The following SGCZ variants were observed in gnomAD, a reference collection of about 807,000 sequenced individuals.
SGCZ encodes the protein zeta-sarcoglycan.
SGCZ carries 40 observed loss-of-function variants against 41.3 expected under a neutral mutation model. The ratio of observed to expected loss-of-function variants is 0.97; its 90% confidence interval spans 0.75 to 1.26. The LOEUF is 1.26. Ranked by LOEUF, SGCZ falls within the 50% of genes most tolerant of loss-of-function variation. The pLI, the probability that SGCZ is intolerant of heterozygous loss-of-function variation, is 0.00. For synonymous variants in SGCZ, 206 were observed against 137.5 expected (o/e 1.50, Z -3.49); for missense variants, 552 against 369.8 (o/e 1.49, Z -4.04).
chr8:15,180,912 A>G (rs934637213), intron 1 of SGCZ, among the ~76,000 whole-genome samples: 38 of 152,084 alleles, frequency 2.5e-4, no homozygotes, highest in Non-Finnish European at 4.4e-5. Context: ...AGGGAAAAAG[A>G]CAGGATACCA....
intron 1 of SGCZ, among the ~76,000 whole-genome samples, chr8:15,207,391 T>C (rs1299559618): frequency 6.6e-6 from 1 of 152,074 alleles, no homozygotes; most frequent in Non-Finnish European, 1.5e-5. Context: ...ACTAATGAAG[T>C]ATCCATGTTT....
At chr8:14,777,632 C>G (rs1800449087) in intron 1 of SGCZ, among the ~76,000 whole-genome samples, 1 of 152,084 alleles carries the variant, frequency 6.6e-6, no homozygotes, top group Non-Finnish European at 1.5e-5. Context: ...ATACGCATAT[C>G]CATGTTCACA....
rs569646513 is a variant in SGCZ, at chr8:15,027,974, C to G, written c.39+209611G>C. Reference sequence around the variant, plus strand: ...CACCTTTATGTTAAGTTAAAACAAACAAAAGCACAGATAATATCTTTCCTA... The same window carrying G: ...CACCTTTATGTTAAGTTAAAACAAAGAAAAGCACAGATAATATCTTTCCTA... On this transcript the variant is annotated intron_variant, in intron 1 of 7. Transcript: ENST00000382080. Among the ~76,000 whole-genome samples, 10 of 152,026 alleles carry G rather than the reference C, an allele frequency of 6.6e-5. No individual in the cohort carries two copies. The Middle Eastern group carries it at 0.01, about 156-fold the overall frequency.
At chr8:14,853,492 C>G (rs763747200) in intron 1 of SGCZ, 1 of 533,094 alleles carries the variant, frequency 1.9e-6, no homozygotes, top group Non-Finnish European at 3.9e-6. Flanking sequence ...AAGCCACAAT[C>G]ACCTTCTGAT....
intron 2 of SGCZ, among the ~76,000 whole-genome samples, chr8:14,439,146 A>G (rs970825890): frequency 6.6e-6 from 1 of 151,970 alleles, no homozygotes; most frequent in African/African-American, 2.4e-5. Flanking sequence ...ACCGTGATAC[A>G]TTTGTTAAAG....
At chr8:14,475,166 A>G (rs912124372) in intron 2 of SGCZ, among the ~76,000 whole-genome samples, 1 of 152,176 alleles carries the variant, frequency 6.6e-6, no homozygotes, top group Non-Finnish European at 1.5e-5. Context: ...TCATACTATT[A>G]AAAAGCAAAA....
chr8:15,025,494 T>C (rs1318020657), intron 1 of SGCZ, among the ~76,000 whole-genome samples: 1 of 152,078 alleles, frequency 6.6e-6, no homozygotes, highest in Non-Finnish European at 1.5e-5. Flanking sequence ...GCTGTAAAGG[T>C]GATAAAAGAG....
chr8:14,575,149 T>C (rs1408750664), intron 1 of SGCZ, among the ~76,000 whole-genome samples: 1 of 152,188 alleles, frequency 6.6e-6, no homozygotes, highest in Non-Finnish European at 1.5e-5. Context: ...GACTGGAGAA[T>C]AAATAATTTT....
At chr8:14,765,606 G>C (rs1466808409) in intron 1 of SGCZ, among the ~76,000 whole-genome samples, 1 of 152,130 alleles carries the variant, frequency 6.6e-6, no homozygotes, top group East Asian at 1.9e-4. Flanking sequence ...ATATCCTACA[G>C]GGAAGGCTGG....
chr8:14,630,971 G>A (rs906672805), intron 1 of SGCZ, among the ~76,000 whole-genome samples: 3 of 151,982 alleles, frequency 2.0e-5, no homozygotes, highest in African/African-American at 7.2e-5. Flanking sequence ...GTATACATAT[G>A]TAACAAACCT....
chr8:15,052,979 G>C (rs376882476), intron 1 of SGCZ, among the ~76,000 whole-genome samples: 2 of 152,070 alleles, frequency 1.3e-5, no homozygotes, highest in African/African-American at 2.4e-5. Context: ...TCAAGGCATA[G>C]TTCCTACATT....
chr8:15,206,890 A>G (rs1801086261), intron 1 of SGCZ, among the ~76,000 whole-genome samples: 1 of 152,142 alleles, frequency 6.6e-6, no homozygotes, highest in South Asian at 2.1e-4. Context: ...TCAGAATTGG[A>G]ATGAAAGGTA....
At chr8:14,647,739 A>G (rs781508588) in intron 1 of SGCZ, among the ~76,000 whole-genome samples, 2 of 152,092 alleles carry the variant, frequency 1.3e-5, no homozygotes, top group East Asian at 1.9e-4. Flanking sequence ...GTATGTTAAT[A>G]TGTTTAAAGC....
intron 4 of SGCZ, among the ~76,000 whole-genome samples, chr8:14,235,387 C>A (rs1806719506): frequency 6.6e-6 from 1 of 152,210 alleles, no homozygotes; most frequent in Non-Finnish European, 1.5e-5. Context: ...CAACAAGCTG[C>A]TGTGTCATTA....
rs145195068 is a variant in SGCZ at position 15,047,081 on chromosome 8, T to C, written c.39+190504A>G. The stretch of plus-strand genomic sequence containing the variant: ...GATAGTTCTAAGGCTTTGATGGATA[T>C]ATATCAATGTATAATGCCTGTCCCT... On this transcript the variant is annotated intron_variant, in intron 1 of 7. Coordinates refer to ENST00000382080, the MANE Select transcript of SGCZ (RefSeq NM_139167.4). Among the ~76,000 whole-genome samples, 138 of 152,182 alleles carry C rather than the reference T, an allele frequency of 9.1e-4. 1 individual carries two copies. The highest frequency in any genetic ancestry group is 3.2e-3 in the African/African-American group (132 of 41,554).
At chr8:15,055,624 A>G (rs10095579) in intron 1 of SGCZ, among the ~76,000 whole-genome samples, 25,334 of 152,208 alleles carry the variant, frequency 0.17, 2,443 homozygotes, top group African/African-American at 0.27. Context: ...CCCCTTTGCC[A>G]AAGGCTCCTA....
At chr8:14,701,978 C>G (rs967581271) in intron 1 of SGCZ, among the ~76,000 whole-genome samples, 1 of 151,908 alleles carries the variant, frequency 6.6e-6, no homozygotes, top group African/African-American at 2.4e-5. Flanking sequence ...ATTATGTCCT[C>G]CTCTTAAAGG....
intron 1 of SGCZ, among the ~76,000 whole-genome samples, chr8:14,915,469 C>T (rs1032349899): frequency 6.6e-6 from 1 of 152,124 alleles, no homozygotes; most frequent in African/African-American, 2.4e-5. Flanking sequence ...GACAAGCAAG[C>T]TCTCAGCTTG....
intron 1 of SGCZ, among the ~76,000 whole-genome samples, chr8:14,577,648 A>C (rs181075043): frequency 6.6e-6 from 1 of 152,128 alleles, no homozygotes; most frequent in African/African-American, 2.4e-5. Flanking sequence ...TCAGCCTCCC[A>C]AAGTGCTGGG....
Sources: gnomAD v4.1 joint callset for allele counts (sites outside exome capture counted in the v4.1 genomes callset) on GRCh38, gnomAD v4.1.1 for gene constraint, MANE v1.5 for transcripts, NCBI Gene and HGNC (gene_info 2026-07-23, HGNC 2026-07-21) for gene names.